FAM181B: variants seen among roughly 807,000 people sequenced by gnomAD.
FAM181B encodes the protein protein FAM181B.
In FAM181B, 13 loss-of-function variants were observed where a neutral mutation model predicts 17.8. That is an observed-to-expected ratio of 0.73 (90% confidence interval 0.48 to 1.16). The LOEUF is 1.16. Among genes scored for constraint, FAM181B ranks in the 50% most tolerant of loss-of-function variants. The pLI, the probability that FAM181B is intolerant of heterozygous loss-of-function variation, is 0.00. For missense variants in FAM181B, 725 were observed against 634.1 expected (o/e 1.14, Z -1.54); for synonymous variants, 338 against 316.5 (o/e 1.07, Z -0.72).
chr11:82,733,149 C>T lies in FAM181B; in HGVS notation c.581G>A (p.Gly194Glu). Residue 194 changes from glycine to glutamate, a missense_variant, in exon 1 of 1, where the codon GGA (glycine) becomes GAA (glutamate). Transcript: ENST00000329203. ...GEVAAPAAGL[G>E]GAGTGGAGGD... ...TCCCGCGCCCCCAGTGCCCGCACCT[C>T]CTAGCCCGGCCGCCGGCGCAGCCAC... The T allele has an allele frequency of 1.4e-6, 2 of 1,413,234 alleles. No homozygotes were observed. Among genetic ancestry groups the T allele is most frequent in the Non-Finnish European group, 1.8e-6 (2 of 1,092,470 alleles). The allele number at this position is 1,413,234 out of a possible 1,614,324, so 87.5% of individuals were successfully genotyped here. A position where few individuals can be genotyped will look rare whatever the true frequency, so the allele number is the denominator to read the frequency against.
In FAM181B at chr11:82,732,495, C is replaced by T; in HGVS notation, c.1235G>A (p.Gly412Glu). Residue 412 changes from glycine to glutamate, a missense_variant, in exon 1 of 1, where the codon GGG becomes GAG. Transcript: ENST00000329203. ...TAYSSLWRSD[G>E]VWEGAPGEEG... ...CTCCCCCGGCGCCCCTTCCCAAACC[C>T]CGTCGGATCTCCAAAGGCTGGAATA... 1 of 1,613,150 alleles carries T rather than the reference C, an allele frequency of 6.2e-7. No individual in the cohort carries two copies. The highest frequency in any genetic ancestry group is 8.5e-7 in the Non-Finnish European group (1 of 1,179,996).
rs909004450 is a variant in FAM181B, at chr11:82,730,747, A to T, written c.*1702T>A. On this transcript the variant is annotated 3_prime_UTR_variant, in exon 1 of 1. Transcript: ENST00000329203. ...TTGCATCTACCATTGGTTAATACTCATTTTTTCCAGAAATTCTTTTATGAA... is the reference window on the plus strand; with the variant it reads ...TTGCATCTACCATTGGTTAATACTCTTTTTTTCCAGAAATTCTTTTATGAA... 6 of 152,216 alleles carry T rather than the reference A, an allele frequency of 3.9e-5. No individual in the cohort carries two copies. In the East Asian group the frequency reaches 1.2e-3, roughly 29 times the overall value. The allele number at this position is 152,216 out of a possible 1,614,324, so 9.4% of individuals were successfully genotyped here.
Position 82,733,400 on chromosome 11 carries a change from G to A in FAM181B, c.330C>T (p.Ala110=), listed in dbSNP as rs749846051. Residue 110 remains alanine (A), a synonymous_variant, in exon 1 of 1, where the codon GCC becomes GCT. Transcript: ENST00000329203. ...QIKRCSGLMG[A]APPGPPSPSA... ...TCGGGGAGGGCGGGCCGGGGGGCGC[G>A]GCGCCCATGAGGCCGCTGCAGCGCT... is the stretch of plus-strand genomic sequence containing the variant. The A allele has an allele frequency of 1.3e-6, 2 of 1,484,446 alleles. No individual in the cohort carries two copies. Among genetic ancestry groups the A allele is most frequent in the East Asian group, 2.9e-5 (1 of 34,786 alleles). 92.0% of individuals were successfully genotyped at this position (1,484,446 alleles called of 1,614,324 possible).
At position 82,733,212 on chromosome 11, in the gene FAM181B, C is replaced by G; in HGVS notation, c.518G>C (p.Arg173Pro). ...CGGCTCGGCACCCCCGGGGACGTGG[C>G]GCAGCGAGTCGAAGAGCGCGGCCAG... ...RSLAALFDSL[R>P]HVPGGAEPAG... The change falls in exon 1 of 1, where the codon CGC becomes CCC. Residue 173 changes from arginine to proline, a missense_variant. Physicochemically the swap from Arg to Pro is moderately radical, Grantham distance 103 (BLOSUM62 -2). Transcript: ENST00000329203. The G allele has an allele frequency of 7.6e-7, 1 of 1,308,894 alleles. No homozygotes were observed. The highest frequency in any genetic ancestry group is 2.3e-5 in the South Asian group (1 of 43,268). 81.1% of individuals were successfully genotyped at this position (1,308,894 alleles called of 1,614,324 possible).
Position 82,731,837 on chromosome 11 carries a change from AAG to A in FAM181B, c.*610_*611del, listed in dbSNP as rs1281281019. On this transcript the variant is annotated 3_prime_UTR_variant, in exon 1 of 1. Coordinates refer to ENST00000329203, the MANE Select transcript of FAM181B (RefSeq NM_175885.4). ...ATGGAAGCAGGAAGCGGGCAGAAAA[AAG>A]AGTTAAACCGTGACAGAAGAGAACC... 1.3e-5 allele frequency: 2 copies of A among 152,474 alleles called. No homozygotes were observed. Among genetic ancestry groups the A allele is most frequent in the African/African-American group, 4.8e-5 (2 of 41,450 alleles). The allele number at this position is 152,474 out of a possible 1,614,324, so 9.4% of individuals were successfully genotyped here. A position where few individuals can be genotyped will look rare whatever the true frequency, so the allele number is the denominator to read the frequency against.
chr11:82,732,955 C>A lies in FAM181B; in HGVS notation c.775G>T (p.Ala259Ser). The change falls in exon 1 of 1, where the codon GCG (alanine) becomes TCG (serine). Residue 259 changes from alanine to serine, a missense_variant. Transcript: ENST00000329203. The part of the protein sequence containing the change: ...DVSLGDLEKG[A>S]EAVEFFELLG... ...AGCTCAAAGAACTCCACGGCCTCCG[C>A]GCCCTTCTCCAGGTCGCCCAAGCTC... is the stretch of plus-strand genomic sequence containing the variant. 2 of 1,574,554 alleles carry A rather than the reference C, an allele frequency of 1.3e-6. No individual in the cohort carries two copies. The highest frequency in any genetic ancestry group is 1.1e-5 in the South Asian group (1 of 86,968).
Position 82,732,392 on chromosome 11 carries a change from C to A in FAM181B, c.*57G>T. The A allele has an allele frequency of 6.6e-7, 1 of 1,522,428 alleles. No individual in the cohort carries two copies. Among genetic ancestry groups the A allele is most frequent in the Non-Finnish European group, 9.0e-7 (1 of 1,116,978 alleles). The allele number at this position is 1,522,428 out of a possible 1,614,324, so 94.3% of individuals were successfully genotyped here. On this transcript the variant is annotated 3_prime_UTR_variant, in exon 1 of 1. Transcript: ENST00000329203. Reference sequence around the variant, plus strand: ...TCGTTCTTCAGATTTAGGAGAAACCCACGGAGGCGCGGCGCTCTCCACAGC... The same window carrying A: ...TCGTTCTTCAGATTTAGGAGAAACCAACGGAGGCGCGGCGCTCTCCACAGC...
At position 82,732,606 on chromosome 11, in the gene FAM181B, G is replaced by T. The variant is rs756264796; in HGVS notation, c.1124C>A (p.Pro375His). The change falls in exon 1 of 1, where the codon CCC becomes CAC. Residue 375 changes from proline to histidine, a missense_variant. Physicochemically the swap from Pro to His is moderately conservative, Grantham distance 77. Transcript: ENST00000329203. ...GGGCAGGGCGCAGTCTGGAAAGAAG[G>T]GGGCGAAAGAGGCCAAATGGCCCCG... The part of the protein sequence containing the change: ...DGRGHLASFA[P>H]FFPDCALPPP... 3.9e-5 allele frequency: 62 copies of T among 1,584,650 alleles called. No individual in the cohort carries two copies. Among genetic ancestry groups the T allele is most frequent in the South Asian group, 2.1e-4 (18 of 87,786 alleles).
Position 82,732,400 on chromosome 11 carries a change from C to G in FAM181B, c.*49G>C. 2 of 1,550,942 alleles carry G rather than the reference C, an allele frequency of 1.3e-6. No homozygotes were observed. Among genetic ancestry groups the G allele is most frequent in the Non-Finnish European group, 1.8e-6 (2 of 1,136,716 alleles). ...CAGATTTAGGAGAAACCCACGGAGG[C>G]GCGGCGCTCTCCACAGCCGTCTCTA... On this transcript the variant is annotated 3_prime_UTR_variant, in exon 1 of 1. Coordinates refer to ENST00000329203, the MANE Select transcript of FAM181B (RefSeq NM_175885.4).
In FAM181B at chr11:82,733,286, C is replaced by T; in HGVS notation, c.444G>A (p.Arg148=). The change falls in exon 1 of 1, where the codon CGG becomes CGA. Residue 148 remains arginine (R), a synonymous_variant. Transcript: ENST00000329203. ...AAPAHGKAAP[R]REASQAAAAA... ...CCGCGGCGGCCTGCGACGCCTCCCG[C>T]CGGGGGGCAGCCTTGCCGTGGGCCG... 3 of 1,220,618 alleles carry T rather than the reference C, an allele frequency of 2.5e-6. No individual in the cohort carries two copies. Among genetic ancestry groups the T allele is most frequent in the Non-Finnish European group, 3.1e-6 (3 of 981,984 alleles). The allele number at this position is 1,220,618 out of a possible 1,614,324, so 75.6% of individuals were successfully genotyped here.
In FAM181B at chr11:82,730,763, C is replaced by T. The variant is rs1591001529; in HGVS notation, c.*1686G>A. On this transcript the variant is annotated 3_prime_UTR_variant, in exon 1 of 1. Coordinates refer to ENST00000329203, the MANE Select transcript of FAM181B (RefSeq NM_175885.4). ...TTAATACTCATTTTTTCCAGAAATT[C>T]TTTTATGAAAATATCACAATACTTT... 6.6e-6 allele frequency: 1 copy of T among 152,184 alleles called. No individual in the cohort carries two copies. The highest frequency in any genetic ancestry group is 1.5e-5 in the Non-Finnish European group (1 of 68,016). The allele number at this position is 152,184 out of a possible 1,614,324, so 9.4% of individuals were successfully genotyped here. A position where few individuals can be genotyped will look rare whatever the true frequency, so the allele number is the denominator to read the frequency against.
chr11:82,732,522 G>A lies in FAM181B; in HGVS notation c.1208C>T (p.Ala403Val). 1 of 1,612,762 alleles carries A rather than the reference G, an allele frequency of 6.2e-7. No individual in the cohort carries two copies. The highest frequency in any genetic ancestry group is 1.1e-5 in the South Asian group (1 of 91,058). ...YDYSAGYSRTAYSSLWRSDGV... is the reference protein window; with the variant it reads ...YDYSAGYSRTVYSSLWRSDGV... The stretch of plus-strand genomic sequence containing the variant: ...GTCGGATCTCCAAAGGCTGGAATAG[G>A]CGGTGCGGCTGTAGCCCGCGCTGTA... The change falls in exon 1 of 1, where the codon GCC (alanine) becomes GTC (valine). Residue 403 changes from alanine (A) to valine (V), a missense_variant. Physicochemically the swap from Ala to Val is moderately conservative, Grantham distance 64. Coordinates refer to ENST00000329203, the MANE Select transcript of FAM181B (RefSeq NM_175885.4).
Position 82,733,260 on chromosome 11 carries a change from G to C in FAM181B, c.470C>G (p.Ala157Gly), listed in dbSNP as rs1475283423. 7.3e-6 allele frequency: 9 copies of C among 1,228,962 alleles called. No homozygotes were observed. Among genetic ancestry groups the C allele is most frequent in the Non-Finnish European group, 8.1e-6 (8 of 987,218 alleles). 76.1% of individuals were successfully genotyped at this position (1,228,962 alleles called of 1,614,324 possible). A position where few individuals can be genotyped will look rare whatever the true frequency, so the allele number is the denominator to read the frequency against. ...PRREASQAAA[A>G]ASLQSRSLAA... ...CAGACTTCGGCTTTGCAAGCTGGCG[G>C]CCGCGGCGGCCTGCGACGCCTCCCG... Residue 157 changes from alanine to glycine, a missense_variant, in exon 1 of 1, where the codon GCC becomes GGC. Ala to Gly is a moderately conservative substitution (Grantham distance 60). Coordinates refer to ENST00000329203, the MANE Select transcript of FAM181B (RefSeq NM_175885.4).
chr11:82,732,818 C>T lies in FAM181B; in HGVS notation c.912G>A (p.Glu304=). The change falls in exon 1 of 1, where the codon GAG becomes GAA. Residue 304 remains glutamate (E), a synonymous_variant. Coordinates refer to ENST00000329203, the MANE Select transcript of FAM181B (RefSeq NM_175885.4). ...ASVLRGPPEL[E]PGLFEPPPAV... ...CCGGCGGCGGCTCAAAGAGGCCGGG[C>T]TCCAGCTCCGGGGGTCCCCGCAGTA... 6.6e-7 allele frequency: 1 copy of T among 1,521,174 alleles called. No individual in the cohort carries two copies. The highest frequency in any genetic ancestry group is 2.5e-5 in the East Asian group (1 of 39,858). 94.2% of individuals were successfully genotyped at this position (1,521,174 alleles called of 1,614,324 possible). A position where few individuals can be genotyped will look rare whatever the true frequency, so the allele number is the denominator to read the frequency against.
rs750997249 is a variant in FAM181B, at chr11:82,732,664, C to G, written c.1066G>C (p.Ala356Pro). The G allele has an allele frequency of 2.9e-5, 44 of 1,492,246 alleles. No individual in the cohort carries two copies. The highest frequency in any genetic ancestry group is 3.6e-5 in the Non-Finnish European group (40 of 1,119,504). 92.4% of individuals were successfully genotyped at this position (1,492,246 alleles called of 1,614,324 possible). The change falls in exon 1 of 1, where the codon GCC becomes CCC. Residue 356 changes from alanine (A) to proline (P), a missense_variant. By Grantham distance (27) the Ala-to-Pro change is conservative. Coordinates refer to ENST00000329203, the MANE Select transcript of FAM181B (RefSeq NM_175885.4). Reference protein sequence around the residue: ...LNEPLSPLYPAAADSPGGEDG... With the variant: ...LNEPLSPLYPPAADSPGGEDG... ...TCCCCGCCGGGAGAATCCGCAGCGGCGGGGTACAGGGGGCTCAAGGGCTCG... is the reference window on the plus strand; with the variant it reads ...TCCCCGCCGGGAGAATCCGCAGCGGGGGGGTACAGGGGGCTCAAGGGCTCG...
Position 82,732,801 on chromosome 11 carries a change from G to A in FAM181B, c.929C>T (p.Pro310Leu). Residue 310 changes from proline to leucine, a missense_variant, in exon 1 of 1, where the codon CCG becomes CTG. Pro to Leu is a moderately conservative substitution (Grantham distance 98, BLOSUM62 -3). Coordinates refer to ENST00000329203, the MANE Select transcript of FAM181B (RefSeq NM_175885.4). The stretch of plus-strand genomic sequence containing the variant: ...TAGGTTTCCCACCACTGCCGGCGGC[G>A]GCTCAAAGAGGCCGGGCTCCAGCTC... Reference protein sequence around the residue: ...PPELEPGLFEPPPAVVGNLLY... With the variant: ...PPELEPGLFELPPAVVGNLLY... The A allele has an allele frequency of 1.3e-6, 2 of 1,503,468 alleles. No individual in the cohort carries two copies. Among genetic ancestry groups the A allele is most frequent in the South Asian group, 1.3e-5 (1 of 76,836 alleles). 93.1% of individuals were successfully genotyped at this position (1,503,468 alleles called of 1,614,324 possible).
chr11:82,732,485 T>C lies in FAM181B; in HGVS notation c.1245A>G (p.Glu415=), dbSNP rs543455943. 5 of 1,612,902 alleles carry C rather than the reference T, an allele frequency of 3.1e-6. No individual in the cohort carries two copies. The South Asian group carries it at 4.4e-5, about 14-fold the overall frequency. ...SSLWRSDGVW[E]GAPGEEGAHR... is the part of the protein sequence containing the mutation. The stretch of plus-strand genomic sequence containing the variant: ...GCGCCCCCTCCTCCCCCGGCGCCCC[T>C]TCCCAAACCCCGTCGGATCTCCAAA... Residue 415 remains glutamate, a synonymous_variant, in exon 1 of 1, where the codon GAA becomes GAG. Transcript: ENST00000329203.
At position 82,732,957 on chromosome 11, in the gene FAM181B, C is replaced by G. The variant is rs752743853; in HGVS notation, c.773G>C (p.Gly258Ala). 11 of 1,575,548 alleles carry G rather than the reference C, an allele frequency of 7.0e-6. No homozygotes were observed. In the African/African-American group the frequency reaches 1.2e-4, roughly 18 times the overall value. The part of the protein sequence containing the change: ...PDVSLGDLEK[G>A]AEAVEFFELL... ...CTCAAAGAACTCCACGGCCTCCGCG[C>G]CCTTCTCCAGGTCGCCCAAGCTCAC... The change falls in exon 1 of 1, where the codon GGC becomes GCC. Residue 258 changes from glycine (G) to alanine (A), a missense_variant. By Grantham distance (60) the Gly-to-Ala change is moderately conservative. Transcript: ENST00000329203.
chr11:82,732,868 C>G lies in FAM181B; in HGVS notation c.862G>C (p.Asp288His). Residue 288 changes from aspartate (D) to histidine (H), a missense_variant, in exon 1 of 1, where the codon GAC (aspartate) becomes CAC (histidine). By Grantham distance (81) the Asp-to-His change is moderately conservative. Transcript: ENST00000329203. ...AAVLLAAEPL[D>H]VFPAGASVLR... is the part of the protein sequence containing the mutation. Reference sequence around the variant, plus strand: ...ACGGAGGCTCCGGCGGGGAACACGTCGAGAGGCTCGGCGGCAAGCAAGACT... The same window carrying G: ...ACGGAGGCTCCGGCGGGGAACACGTGGAGAGGCTCGGCGGCAAGCAAGACT... The G allele has an allele frequency of 6.5e-7, 1 of 1,535,894 alleles. No homozygotes were observed. The highest frequency in any genetic ancestry group is 8.8e-7 in the Non-Finnish European group (1 of 1,142,306).
Sources: gnomAD v4.1 joint callset for allele counts on GRCh38, gnomAD v4.1.1 for gene constraint, MANE v1.5 for transcripts, NCBI Gene and HGNC (gene_info 2026-07-23, HGNC 2026-07-21) for gene names.